STXBP5L: variants seen among roughly 807,000 people sequenced by gnomAD.
STXBP5L encodes the protein syntaxin binding protein 5L.
Under a neutral mutation model 144.5 loss-of-function variants are expected in STXBP5L, and 65 were observed. The observed-to-expected ratio is 0.45, with a 90% CI of 0.37 to 0.55. The LOEUF (loss-of-function observed/expected upper bound fraction) is 0.55, where lower values mean the gene tolerates loss of function less well. Ranked by LOEUF, STXBP5L falls within the 20% of genes least tolerant of loss-of-function variation. The probability of loss-of-function intolerance (pLI) is 0.00; values close to 1 mark genes in which losing one functional copy is unlikely to be tolerated. For synonymous variants in STXBP5L, 505 were observed against 469.6 expected (o/e 1.08, Z -0.97); for missense variants, 1,298 against 1,405.5 (o/e 0.92, Z 1.22).
At chr3:120,991,807 G>C (rs1204556610) in intron 3 of STXBP5L, among the ~76,000 whole-genome samples, 4 of 145,744 alleles carry the variant, frequency 2.7e-5, no homozygotes, top group South Asian at 2.2e-4. Flanking sequence ...ACCGGGGCCT[G>C]TTGTGGGGTG....
At chr3:121,241,455 C>T (rs1377126194) in intron 14 of STXBP5L, among the ~76,000 whole-genome samples, 1 of 151,864 alleles carries the variant, frequency 6.6e-6, no homozygotes, top group East Asian at 1.9e-4. Context: ...CCCACCCCAA[C>T]TCACTCCAGT....
chr3:121,018,496 T>C (rs1431489601), intron 3 of STXBP5L, among the ~76,000 whole-genome samples: 43 of 136,240 alleles, frequency 3.2e-4, no homozygotes, highest in Non-Finnish European at 1.5e-5. Flanking sequence ...AAACAAGTGA[T>C]GCTGGAACAA....
At chr3:120,930,193 CTTATT>C (rs1261718785) in intron 2 of STXBP5L, among the ~76,000 whole-genome samples, 3 of 140,934 alleles carry the variant, frequency 2.1e-5, no homozygotes, top group African/African-American at 7.9e-5. Context: ...AGAAAATAAA[CTTATT>C]TTATTTAAGC....
At chr3:121,185,431 G>A (rs1244332383) in intron 9 of STXBP5L, among the ~76,000 whole-genome samples, 4 of 152,160 alleles carry the variant, frequency 2.6e-5, no homozygotes, top group Non-Finnish European at 4.4e-5. Flanking sequence ...ATGGTTTTAG[G>A]TCTGACATGT....
intron 3 of STXBP5L, among the ~76,000 whole-genome samples, chr3:121,028,259 G>T (rs1946096456): frequency 6.6e-6 from 1 of 151,998 alleles, no homozygotes; most frequent in Non-Finnish European, 1.5e-5. Flanking sequence ...AGATTATTAT[G>T]CTATTAATAA....
Position 121,186,606 on chromosome 3 carries a change from T to G in STXBP5L, c.878-19317T>G, listed in dbSNP as rs553661933. The stretch of plus-strand genomic sequence containing the variant: ...TATGCTGGATTACATTTTTTGATTT[T>G]CATATGTTGAACCAGCCTTGCATCC... On this transcript the variant is annotated intron_variant, in intron 9 of 26. Coordinates refer to ENST00000471454, the MANE Select transcript of STXBP5L (RefSeq NM_001308330.2). 7.2e-5 allele frequency among the ~76,000 whole-genome samples: 11 copies of G among 152,304 alleles called. 1 individual carries two copies. In the East Asian group the frequency reaches 1.7e-3, roughly 24 times the overall value.
chr3:121,119,540 C>A (rs1350223941), intron 6 of STXBP5L, among the ~76,000 whole-genome samples: 1 of 151,334 alleles, frequency 6.6e-6, no homozygotes, highest in Non-Finnish European at 1.5e-5. Flanking sequence ...AGAAGAATTA[C>A]TGCACATTTT....
chr3:121,271,147 T>A (rs2050723218), intron 18 of STXBP5L, among the ~76,000 whole-genome samples: 1 of 152,180 alleles, frequency 6.6e-6, no homozygotes, highest in African/African-American at 2.4e-5. Flanking sequence ...ATAAGTTAGA[T>A]TCTACTATTA....
intron 5 of STXBP5L, among the ~76,000 whole-genome samples, chr3:121,058,256 G>A (rs142431941): frequency 6.5e-4 from 99 of 152,280 alleles, no homozygotes; most frequent in African/African-American, 2.4e-3. Flanking sequence ...TTAGTTTGCT[G>A]AGAATCGTGG....
chr3:121,008,447 A>G (rs1944516828), intron 3 of STXBP5L, among the ~76,000 whole-genome samples: 1 of 152,024 alleles, frequency 6.6e-6, no homozygotes, highest in African/African-American at 2.4e-5. Context: ...CATTTCCAAA[A>G]TAGACATTGA....
intron 5 of STXBP5L, among the ~76,000 whole-genome samples, chr3:121,093,505 G>A (rs905062116): frequency 1.3e-5 from 2 of 152,158 alleles, no homozygotes; most frequent in Non-Finnish European, 1.5e-5. Context: ...TCTTGGGAGG[G>A]TATATGTGTC....
At chr3:121,384,451 C>T (rs1040182278) in intron 22 of STXBP5L, among the ~76,000 whole-genome samples, 1 of 151,994 alleles carries the variant, frequency 6.6e-6, no homozygotes, top group African/African-American at 2.4e-5. Context: ...AATGCTAGAG[C>T]CCAGGAGTTC....
At chr3:120,921,595 T>G (rs1353132442) in intron 2 of STXBP5L, among the ~76,000 whole-genome samples, 2 of 152,062 alleles carry the variant, frequency 1.3e-5, no homozygotes, top group African/African-American at 4.8e-5. Context: ...TTCTAGTAGA[T>G]TCATAATTTT....
At chr3:120,990,117 A>G (rs970147943) in intron 3 of STXBP5L, among the ~76,000 whole-genome samples, 24 of 152,206 alleles carry the variant, frequency 1.6e-4, no homozygotes, top group African/African-American at 4.8e-4. Flanking sequence ...AAGTCTCAGG[A>G]TACAAAATCA....
intron 11 of STXBP5L, among the ~76,000 whole-genome samples, chr3:121,225,320 A>G (rs1285708029): frequency 6.6e-6 from 1 of 152,054 alleles, no homozygotes; most frequent in Non-Finnish European, 1.5e-5. Context: ...TCGGGGCACA[A>G]TTGGTAGCTC....
intron 3 of STXBP5L, among the ~76,000 whole-genome samples, chr3:120,957,681 G>C (rs191549271): frequency 6.6e-6 from 1 of 152,164 alleles, no homozygotes; most frequent in Admixed American, 6.6e-5. Flanking sequence ...CGAAATGAAG[G>C]TAGCAATAAA....
Position 121,189,703 on chromosome 3 carries a change from G to C in STXBP5L, c.878-16220G>C, listed in dbSNP as rs373365327. 2.0e-5 allele frequency among the ~76,000 whole-genome samples: 3 copies of C among 152,052 alleles called. No individual in the cohort carries two copies. The East Asian group carries it at 5.8e-4, about 29-fold the overall frequency. On this transcript the variant is annotated intron_variant, in intron 9 of 26. Coordinates refer to ENST00000471454, the MANE Select transcript of STXBP5L (RefSeq NM_001308330.2). ...TGACTTCAGAATGTCTTGACAATGCGGGCTTTTTTTGGTTCCATATGAACT... is the reference window on the plus strand; with the variant it reads ...TGACTTCAGAATGTCTTGACAATGCCGGCTTTTTTTGGTTCCATATGAACT...
At chr3:121,254,247 T>A (rs746986024) in intron 15 of STXBP5L, among the ~76,000 whole-genome samples, 2 of 152,142 alleles carry the variant, frequency 1.3e-5, no homozygotes, top group Non-Finnish European at 1.5e-5. Flanking sequence ...CATCATGGTC[T>A]CCAATGGAAA....
chr3:120,987,900 A>G (rs1053509740), intron 3 of STXBP5L, among the ~76,000 whole-genome samples: 5 of 151,968 alleles, frequency 3.3e-5, no homozygotes, highest in African/African-American at 1.2e-4. Flanking sequence ...AATGTTTGGT[A>G]GAATTCTCTG....
Sources: gnomAD v4.1 joint callset for allele counts (sites outside exome capture counted in the v4.1 genomes callset) on GRCh38, gnomAD v4.1.1 for gene constraint, MANE v1.5 for transcripts, NCBI Gene and HGNC (gene_info 2026-07-23, HGNC 2026-07-21) for gene names.